Variants in BCL11A observed in about 807,000 individuals in gnomAD.
BCL11A encodes the protein BCL11 transcription factor A, also known as B cell CLL/lymphoma 11A.
A neutral mutation model predicts 55.9 loss-of-function variants in BCL11A; 2 were observed. The ratio of observed to expected loss-of-function variants is 0.04; its 90% confidence interval spans 0.01 to 0.11. BCL11A has a LOEUF of 0.11. BCL11A is among the 10% of genes least tolerant of loss of function. BCL11A has a pLI of 1.00. For missense variants in BCL11A, 817 were observed against 1,137.1 expected (o/e 0.72, Z 4.05); for synonymous variants, 465 against 473.4 (o/e 0.98, Z 0.23).
intron 2 of BCL11A, chr2:60,478,319 G>A (rs1334362189): frequency 1.3e-5 from 2 of 152,282 alleles, no homozygotes; most frequent in African/African-American, 4.8e-5. Flanking sequence ...TGTGGACAGG[G>A]AGGACAGGGC....
chr2:60,508,211 AAAC>A (rs558493569), intron 2 of BCL11A, among the ~76,000 whole-genome samples: 52 of 152,138 alleles, frequency 3.4e-4, no homozygotes, highest in Non-Finnish European at 6.5e-4. Flanking sequence ...CCCCACCCCC[AAAC>A]AACAACAACA....
intron 2 of BCL11A, chr2:60,535,801 T>A (rs1669643494): frequency 6.6e-6 from 1 of 152,266 alleles, no homozygotes; most frequent in African/African-American, 2.4e-5. Flanking sequence ...GAACGGGTCA[T>A]GCAGACATCA....
Position 60,461,325 on chromosome 2 carries a change from C to T in BCL11A, c.1587G>A (p.Ser529=). 2.5e-6 allele frequency: 4 copies of T among 1,598,654 alleles called. No homozygotes were observed. Among genetic ancestry groups the T allele is most frequent in the Non-Finnish European group, 3.4e-6 (4 of 1,177,496 alleles). ...LEAARHHENS[S]RGAVVGVGDE... is the part of the protein sequence containing the mutation. Reference sequence around the variant, plus strand: ...CGCCCACGCCCACGACCGCGCCCCGCGAGCTGTTCTCGTGGTGGCGCGCCG... The same window carrying T: ...CGCCCACGCCCACGACCGCGCCCCGTGAGCTGTTCTCGTGGTGGCGCGCCG... The change falls in exon 4 of 4, where the codon TCG becomes TCA. Residue 529 remains serine (S), a synonymous_variant. Transcript: ENST00000642384.
intron 2 of BCL11A, among the ~76,000 whole-genome samples, chr2:60,486,641 A>G (rs1269998605): frequency 1.3e-5 from 2 of 152,254 alleles, no homozygotes; most frequent in African/African-American, 4.8e-5. Context: ...ATGATGGATT[A>G]GCTGGCAGAT....
chr2:60,532,443 G>A (rs373308771), intron 2 of BCL11A, among the ~76,000 whole-genome samples: 13 of 150,110 alleles, frequency 8.7e-5, no homozygotes, highest in Admixed American at 4.0e-4. Flanking sequence ...TGGTGGTGGC[G>A]TTAATGTTTC....
In BCL11A at chr2:60,461,896, A is replaced by T; in HGVS notation, c.1016T>A (p.Met339Lys). 6.2e-7 allele frequency: 1 copy of T among 1,614,156 alleles called. No homozygotes were observed. The highest frequency in any genetic ancestry group is 8.5e-7 in the Non-Finnish European group (1 of 1,179,990). The change falls in exon 4 of 4, where the codon ATG (methionine) becomes AAG (lysine). Residue 339 changes from methionine (M) to lysine (K), a missense_variant. Physicochemically the swap from Met to Lys is moderately conservative, Grantham distance 95. Coordinates refer to ENST00000642384, the MANE Select transcript of BCL11A (RefSeq NM_022893.4). Reference protein sequence around the residue: ...PPLSPGRPSPMQRLLQPFQPG... With the variant: ...PPLSPGRPSPKQRLLQPFQPG... ...CTGGAATGGTTGCAGTAACCTTTGC[A>T]TAGGGCTGGGCCGGCCTGGGGACAG...
chr2:60,461,172 G>C lies in BCL11A; in HGVS notation c.1740C>G (p.Gly580=). ...HKRGHLAEAE[G]HRDTCDEDSV... Reference sequence around the variant, plus strand: ...AGTCTTCGTCGCAAGTGTCCCTGTGGCCCTCGGCCTCGGCCAGGTGGCCGC... The same window carrying C: ...AGTCTTCGTCGCAAGTGTCCCTGTGCCCCTCGGCCTCGGCCAGGTGGCCGC... The change falls in exon 4 of 4, where the codon GGC becomes GGG. Residue 580 remains glycine (G), a synonymous_variant. Coordinates refer to ENST00000642384, the MANE Select transcript of BCL11A (RefSeq NM_022893.4). 6.2e-7 allele frequency: 1 copy of C among 1,612,606 alleles called. No homozygotes were observed. The highest frequency in any genetic ancestry group is 1.6e-4 in the Middle Eastern group (1 of 6,062).
downstream of BCL11A, among the ~76,000 whole-genome samples, chr2:60,454,574 T>C (rs1402786602): frequency 6.6e-6 from 1 of 152,016 alleles, no homozygotes; most frequent in African/African-American, 2.4e-5. Context: ...TCATAAGAAG[T>C]CATGTTCATG....
intron 2 of BCL11A, among the ~76,000 whole-genome samples, chr2:60,504,159 A>C (rs528363375): frequency 6.6e-6 from 1 of 152,146 alleles, no homozygotes; most frequent in Non-Finnish European, 1.5e-5. Flanking sequence ...GGACTCCCCA[A>C]ACAGAACAGA....
chr2:60,490,244 A>G (rs1678548345), intron 2 of BCL11A, among the ~76,000 whole-genome samples: 1 of 152,158 alleles, frequency 6.6e-6, no homozygotes, highest in Admixed American at 6.5e-5. Flanking sequence ...GAGAATTTCA[A>G]CAACTCATCC....
Position 60,461,414 on chromosome 2 carries a change from C to T in BCL11A, c.1498G>A (p.Glu500Lys). ...DDEEEEEEEE[E>K]EEEELTESER... ...CTCTCCGTCAGCTCCTCCTCCTCCT[C>T]TTCCTCCTCTTCTTCCTCTTCCTCG... is the stretch of plus-strand genomic sequence containing the variant. Residue 500 changes from glutamate to lysine, a missense_variant, in exon 4 of 4, where the codon GAG (glutamate) becomes AAG (lysine). Physicochemically the swap from Glu to Lys is moderately conservative, Grantham distance 56 (BLOSUM62 1). Coordinates refer to ENST00000642384, the MANE Select transcript of BCL11A (RefSeq NM_022893.4). The T allele has an allele frequency of 6.2e-7, 1 of 1,604,634 alleles. No homozygotes were observed. Among genetic ancestry groups the T allele is most frequent in the Non-Finnish European group, 8.5e-7 (1 of 1,178,562 alleles).
rs560511277 is a variant in BCL11A, at chr2:60,481,881, A to G, written c.386-13048T>C. Among the ~76,000 whole-genome samples the G allele has an allele frequency of 5.9e-5, 9 of 152,312 alleles. No individual in the cohort carries two copies. In the East Asian group the frequency reaches 1.2e-3, roughly 20 times the overall value. On this transcript the variant is annotated intron_variant, in intron 2 of 3. Transcript: ENST00000642384. ...TGAATTGGGAAAGTGAATGGGGAAA[A>G]GCCTCAACACACAGACAGCCCCATG... is the stretch of plus-strand genomic sequence containing the variant.
At chr2:60,475,059 T>C (rs1434660509) in intron 2 of BCL11A, among the ~76,000 whole-genome samples, 2 of 152,028 alleles carry the variant, frequency 1.3e-5, no homozygotes, top group African/African-American at 4.8e-5. Context: ...AAGGATATCC[T>C]AGATAAAAAG....
At chr2:60,477,405 G>A (rs1021617505) in intron 2 of BCL11A, among the ~76,000 whole-genome samples, 2 of 152,064 alleles carry the variant, frequency 1.3e-5, no homozygotes, top group East Asian at 1.9e-4. Context: ...TTATCATTTC[G>A]ATCGGTCTTG....
chr2:60,454,039 A>G (rs1378981612), downstream of BCL11A, among the ~76,000 whole-genome samples: 1 of 152,082 alleles, frequency 6.6e-6, no homozygotes, highest in Non-Finnish European at 1.5e-5. Context: ...AAATAGAGAG[A>G]GAGAAAGAGA....
chr2:60,460,887 G>A lies in BCL11A; in HGVS notation c.2025C>T (p.Ser675=). The change falls in exon 4 of 4, where the codon AGC becomes AGT. Residue 675 remains serine, a synonymous_variant. Transcript: ENST00000642384. ...AAGGCGATTGTCTGGAGTCTCCGAA[G>A]CTAAGGAAGGGATCTTTGAGCTGCC... is the stretch of plus-strand genomic sequence containing the variant. ...ASRQLKDPFL[S]FGDSRQSPFA... is the part of the protein sequence containing the mutation. 1 of 1,613,256 alleles carries A rather than the reference G, an allele frequency of 6.2e-7. No homozygotes were observed.
chr2:60,510,320 C>T (rs1049714610), intron 2 of BCL11A, among the ~76,000 whole-genome samples: 4 of 152,178 alleles, frequency 2.6e-5, no homozygotes, highest in African/African-American at 7.2e-5. Flanking sequence ...GACCTCAGGG[C>T]CCCTTGCTCC....
intron 2 of BCL11A, among the ~76,000 whole-genome samples, chr2:60,473,926 T>A (rs1415755675): frequency 6.6e-6 from 1 of 152,008 alleles, no homozygotes; most frequent in African/African-American, 2.4e-5. Context: ...TACCAAATCC[T>A]GATGTTCTTT....
At chr2:60,466,322 T>G (rs1471877468) in intron 3 of BCL11A, among the ~76,000 whole-genome samples, 1 of 152,110 alleles carries the variant, frequency 6.6e-6, no homozygotes, top group Non-Finnish European at 1.5e-5. Context: ...CTTCTATCCC[T>G]TCCCTCCAAA....
Sources: gnomAD v4.1 joint callset for allele counts (sites outside exome capture counted in the v4.1 genomes callset) on GRCh38, gnomAD v4.1.1 for gene constraint, MANE v1.5 for transcripts, NCBI Gene and HGNC (gene_info 2026-07-23, HGNC 2026-07-21) for gene names.